OPCML: variants seen among roughly 807,000 people sequenced by gnomAD.
OPCML encodes the protein opioid binding protein/cell adhesion molecule like, also known as opioid-binding protein/cell adhesion molecule.
OPCML carries 13 observed loss-of-function variants against 37.8 expected under a neutral mutation model. The observed-to-expected ratio is 0.34, with a 90% CI of 0.22 to 0.55. OPCML has a LOEUF of 0.55. OPCML is among the 20% of genes least tolerant of loss of function. The probability of loss-of-function intolerance (pLI) is 0.91; values close to 1 mark genes in which losing one functional copy is unlikely to be tolerated. For synonymous variants in OPCML, 176 were observed against 168.8 expected (o/e 1.04, Z -0.33); for missense variants, 341 against 435.6 (o/e 0.78, Z 1.93).
intron 1 of OPCML, among the ~76,000 whole-genome samples, chr11:133,376,649 TTA>T (rs1944810988): frequency 6.6e-6 from 1 of 152,206 alleles, no homozygotes; most frequent in Non-Finnish European, 1.5e-5. Context: ...GCAAGCAAGA[TTA>T]TATATGAGCT....
At chr11:133,523,622 T>C (rs946521403) in intron 1 of OPCML, among the ~76,000 whole-genome samples, 1 of 152,194 alleles carries the variant, frequency 6.6e-6, no homozygotes, top group African/African-American at 2.4e-5. Flanking sequence ...AGTTCCATTA[T>C]TTCTAGGATA....
chr11:133,391,621 G>T (rs1396265270), intron 1 of OPCML, among the ~76,000 whole-genome samples: 3 of 152,134 alleles, frequency 2.0e-5, no homozygotes, highest in Non-Finnish European at 4.4e-5. Context: ...TTTGTTGAAA[G>T]AAAGTTTGTT....
chr11:133,324,161 A>C (rs1943399312), intron 1 of OPCML, among the ~76,000 whole-genome samples: 1 of 152,184 alleles, frequency 6.6e-6, no homozygotes, highest in East Asian at 1.9e-4. Context: ...TTTGCTCATT[A>C]AAATTCCTGA....
At chr11:133,426,976 T>C (rs1946015881) in intron 1 of OPCML, among the ~76,000 whole-genome samples, 1 of 152,086 alleles carries the variant, frequency 6.6e-6, no homozygotes, top group Non-Finnish European at 1.5e-5. Context: ...TAAAAATCAG[T>C]GTAGAAAGTA....
intron 1 of OPCML, among the ~76,000 whole-genome samples, chr11:133,217,575 G>T (rs1475475077): frequency 2.0e-5 from 3 of 152,182 alleles, no homozygotes; most frequent in Non-Finnish European, 4.4e-5. Flanking sequence ...CATGGAGGTG[G>T]GTACTCGGCT....
At chr11:133,108,573 C>T (rs935737920) in intron 1 of OPCML, among the ~76,000 whole-genome samples, 7 of 151,996 alleles carry the variant, frequency 4.6e-5, no homozygotes, top group Non-Finnish European at 1.0e-4. Flanking sequence ...GAAGCCACTA[C>T]ATTATACACA....
At chr11:132,495,894 C>CA (rs202115452) in intron 4 of OPCML, among the ~76,000 whole-genome samples, 2,348 of 99,868 alleles carry the variant, frequency 0.024, 55 homozygotes, top group African/African-American at 0.068. Flanking sequence ...GACTCCATCT[C>CA]AAAAAAAAAA....
chr11:132,841,935 T>A (rs183694072), intron 2 of OPCML, among the ~76,000 whole-genome samples: 1 of 145,048 alleles, frequency 6.9e-6, no homozygotes, highest in African/African-American at 2.6e-5. Flanking sequence ...GGACAAGATA[T>A]GGTCTTAGTT....
intron 4 of OPCML, among the ~76,000 whole-genome samples, chr11:132,487,734 C>T (rs1168366022): frequency 6.6e-6 from 1 of 152,182 alleles, no homozygotes; most frequent in Non-Finnish European, 1.5e-5. Flanking sequence ...TGGAAGATAT[C>T]TCAGCAAGCT....
chr11:132,521,678 G>A (rs1327138073), intron 4 of OPCML, among the ~76,000 whole-genome samples: 2 of 152,070 alleles, frequency 1.3e-5, no homozygotes, highest in Non-Finnish European at 2.9e-5. Context: ...AAACCTAGAT[G>A]ATGGGTTGAT....
At chr11:132,867,312 C>T (rs371008436) in intron 2 of OPCML, among the ~76,000 whole-genome samples, 36 of 152,254 alleles carry the variant, frequency 2.4e-4, no homozygotes, top group African/African-American at 7.9e-4. Context: ...TCCTCTGTCA[C>T]GGACTCAGCA....
At chr11:132,989,786 T>C (rs1367786418) in intron 1 of OPCML, among the ~76,000 whole-genome samples, 1 of 152,144 alleles carries the variant, frequency 6.6e-6, no homozygotes, top group Non-Finnish European at 1.5e-5. Context: ...GCACCTGAGA[T>C]TCATTTAAAA....
At chr11:132,743,383 C>T (rs192954966) in intron 2 of OPCML, among the ~76,000 whole-genome samples, 1 of 152,156 alleles carries the variant, frequency 6.6e-6, no homozygotes, top group African/African-American at 2.4e-5. Context: ...ATTTCCCATC[C>T]CATCCCCAAT....
intron 4 of OPCML, among the ~76,000 whole-genome samples, chr11:132,475,568 G>T (rs186047244): frequency 6.6e-6 from 1 of 152,224 alleles, no homozygotes; most frequent in Non-Finnish European, 1.5e-5. Flanking sequence ...AGATGCAGGA[G>T]CACAGAGAAA....
intron 1 of OPCML, among the ~76,000 whole-genome samples, chr11:133,448,076 C>G (rs1946507405): frequency 6.6e-6 from 1 of 152,120 alleles, no homozygotes; most frequent in Non-Finnish European, 1.5e-5. Flanking sequence ...CTTTGTGAAT[C>G]ATGCTTTTGG....
intron 1 of OPCML, among the ~76,000 whole-genome samples, chr11:133,288,928 G>C (rs1942380387): frequency 6.6e-6 from 1 of 152,076 alleles, no homozygotes; most frequent in Non-Finnish European, 1.5e-5. Context: ...GGGATGATAA[G>C]AAGCAAGACA....
Position 133,429,613 on chromosome 11 carries a change from T to C in OPCML, c.61+102651A>G, listed in dbSNP as rs903466589. On this transcript the variant is annotated intron_variant, in intron 1 of 7. Coordinates refer to ENST00000524381, the MANE Select transcript of OPCML (RefSeq NM_001012393.5). ...GAACAAAGTAGCAGTGCAGATGGTA[T>C]GGAAGATTTTGCAGAAGGTAGAGTC... Among the ~76,000 whole-genome samples, 5 of 152,238 alleles carry C rather than the reference T, an allele frequency of 3.3e-5. 1 individual carries two copies. The South Asian group carries it at 1.0e-3, about 32-fold the overall frequency.
At chr11:133,060,614 T>C (rs1477067729) in intron 1 of OPCML, among the ~76,000 whole-genome samples, 2 of 152,246 alleles carry the variant, frequency 1.3e-5, no homozygotes, top group Admixed American at 1.3e-4. Flanking sequence ...CTGCTCCTAC[T>C]GTGGCTGCAT....
chr11:132,971,330 A>G (rs1392549048), intron 1 of OPCML, among the ~76,000 whole-genome samples: 1 of 152,072 alleles, frequency 6.6e-6, no homozygotes, highest in Non-Finnish European at 1.5e-5. Context: ...TCTTCTATTG[A>G]TTTTTGCTTT....
Sources: gnomAD v4.1 joint callset for allele counts (sites outside exome capture counted in the v4.1 genomes callset) on GRCh38, gnomAD v4.1.1 for gene constraint, MANE v1.5 for transcripts, NCBI Gene and HGNC (gene_info 2026-07-23, HGNC 2026-07-21) for gene names.